The following JAM3 variants were observed in gnomAD, a reference collection of about 807,000 sequenced individuals.
JAM3 encodes junctional adhesion molecule 3, also known as junctional adhesion molecule C.
A neutral mutation model predicts 39.4 loss-of-function variants in JAM3; 31 were observed. The observed-to-expected ratio is 0.79, with a 90% CI of 0.59 to 1.06. The LOEUF (loss-of-function observed/expected upper bound fraction) is 1.06. Ranked by LOEUF, JAM3 falls within the 50% of genes least tolerant of loss-of-function variation. The pLI, the probability that JAM3 is intolerant of heterozygous loss-of-function variation, is 0.00. For missense variants in JAM3, 455 were observed against 391.4 expected (o/e 1.16, Z -1.37); for synonymous variants, 182 against 148.7 (o/e 1.22, Z -1.63).
chr11:134,110,851 A>G (rs1233321360), intron 1 of JAM3, among the ~76,000 whole-genome samples: 1 of 152,110 alleles, frequency 6.6e-6, no homozygotes, highest in African/African-American at 2.4e-5. Flanking sequence ...TATGTCAATT[A>G]TACCTTGATT....
At chr11:134,112,450 C>A (rs989786570) in intron 1 of JAM3, among the ~76,000 whole-genome samples, 17 of 152,120 alleles carry the variant, frequency 1.1e-4, no homozygotes, top group African/African-American at 3.6e-4. Flanking sequence ...GGTTTCAAGT[C>A]ACTCTATCTA....
At chr11:134,144,458 G>T (rs1943032505) in intron 4 of JAM3, 65 bp downstream of exon 4, 1 of 1,583,348 alleles carries the variant, frequency 6.3e-7, no homozygotes, top group Non-Finnish European at 8.7e-7. Flanking sequence ...TAGTGTCTTG[G>T]TTTCTTTCCT....
At position 134,123,922 on chromosome 11, in the gene JAM3, C is replaced by T. The variant is rs111448420; in HGVS notation, c.77-15929C>T. The T allele has an allele frequency of 5.2e-4, 637 of 1,213,362 alleles. 2 individuals are homozygous for T. Among genetic ancestry groups the T allele is most frequent in the Middle Eastern group, 3.0e-3 (11 of 3,654 alleles). 75.2% of individuals were successfully genotyped at this position (1,213,362 alleles called of 1,614,324 possible). On this transcript the variant is annotated intron_variant, in intron 1 of 8. Transcript: ENST00000299106. ...AGCAGCTGTTTGGAATTGAAGGCCCCCCTTCTTTTTTGTGTTATAAACTGA... is the reference window on the plus strand; with the variant it reads ...AGCAGCTGTTTGGAATTGAAGGCCCTCCTTCTTTTTTGTGTTATAAACTGA...
At chr11:134,070,939 C>T (rs1424089032) in intron 1 of JAM3, among the ~76,000 whole-genome samples, 1 of 152,134 alleles carries the variant, frequency 6.6e-6, no homozygotes, top group Non-Finnish European at 1.5e-5. Context: ...GACAAATAAT[C>T]GAGGTAGTAG....
intron 1 of JAM3, among the ~76,000 whole-genome samples, chr11:134,109,519 A>G (rs1201048393): frequency 2.0e-5 from 3 of 152,242 alleles, no homozygotes; most frequent in African/African-American, 7.2e-5. Context: ...TTACTTATCA[A>G]CTATGGCTGC....
chr11:134,149,357 G>T lies in JAM3; in HGVS notation c.*176G>T. 1.4e-6 allele frequency: 1 copy of T among 717,660 alleles called. No individual in the cohort carries two copies. Among genetic ancestry groups the T allele is most frequent in the Non-Finnish European group, 2.4e-6 (1 of 418,506 alleles). The allele number at this position is 717,660 out of a possible 1,614,324, so 44.5% of individuals were successfully genotyped here. A position where few individuals can be genotyped will look rare whatever the true frequency, so the allele number is the denominator to read the frequency against. On this transcript the variant is annotated 3_prime_UTR_variant, in exon 9 of 9. Coordinates refer to ENST00000299106, the MANE Select transcript of JAM3 (RefSeq NM_032801.5). The stretch of plus-strand genomic sequence containing the variant: ...CTTACTCTAACAAGCCACATGAATA[G>T]AAGAATTTTCCTCAAGATGGACCCG...
In JAM3 at chr11:134,113,850, A is replaced by G. The variant is rs1383131976; in HGVS notation, c.77-26001A>G. Among the ~76,000 whole-genome samples the G allele has an allele frequency of 2.0e-5, 3 of 152,162 alleles. No individual in the cohort carries two copies. The East Asian group carries it at 5.8e-4, about 29-fold the overall frequency. ...CCTGTTTCTCCACATCCTCTCCAGC[A>G]CCTGTTGTTTCCTGACTTTTTAATG... On this transcript the variant is annotated intron_variant, in intron 1 of 8. Transcript: ENST00000299106.
chr11:134,091,629 C>CA (rs5795871), intron 1 of JAM3, among the ~76,000 whole-genome samples: 58,864 of 146,954 alleles, frequency 0.4, 12,845 homozygotes, highest in African/African-American at 0.61. Context: ...AACCCCGTGT[C>CA]AAAAAAAAAA....
intron 6 of JAM3, among the ~76,000 whole-genome samples, chr11:134,146,356 G>A (rs910321459): frequency 2.6e-5 from 4 of 152,066 alleles, no homozygotes; most frequent in Non-Finnish European, 5.9e-5. Context: ...AAAATGTAAG[G>A]TGGTGTCAGG....
chr11:134,081,408 G>C (rs375726388), intron 1 of JAM3, among the ~76,000 whole-genome samples: 1 of 152,210 alleles, frequency 6.6e-6, no homozygotes, highest in Non-Finnish European at 1.5e-5. Context: ...CGGGCCCAGG[G>C]TCCCTGTGCT....
intron 1 of JAM3, among the ~76,000 whole-genome samples, chr11:134,071,278 G>A (rs1318664250): frequency 3.3e-5 from 5 of 152,150 alleles, no homozygotes; most frequent in Admixed American, 6.5e-5. Context: ...GTGGATGAGG[G>A]AACAGAAGTA....
chr11:134,115,958 C>T (rs1006289951), intron 1 of JAM3, among the ~76,000 whole-genome samples: 12 of 152,132 alleles, frequency 7.9e-5, no homozygotes, highest in African/African-American at 2.7e-4. Flanking sequence ...GTGCCCTTCT[C>T]ATCATATCAA....
chr11:134,075,582 C>T (rs1403683531), intron 1 of JAM3, among the ~76,000 whole-genome samples: 1 of 152,108 alleles, frequency 6.6e-6, no homozygotes, highest in East Asian at 1.9e-4. Context: ...GGAGCCTCAC[C>T]TGGGTAATTT....
At chr11:134,144,761 G>A in intron 4 of JAM3, 31 bp from the exon 5 acceptor site, 2 of 1,559,072 alleles carry the variant, frequency 1.3e-6, no homozygotes, top group Non-Finnish European at 1.7e-6. Flanking sequence ...CTGTCACTGA[G>A]ATCTTAAACA....
chr11:134,149,559 G>A lies in JAM3; in HGVS notation c.*378G>A, dbSNP rs1413438710. The A allele has an allele frequency of 1.7e-5, 8 of 484,630 alleles. No homozygotes were observed. Among genetic ancestry groups the A allele is most frequent in the East Asian group, 6.0e-5 (1 of 16,760 alleles). 30.0% of individuals were successfully genotyped at this position (484,630 alleles called of 1,614,324 possible). On this transcript the variant is annotated 3_prime_UTR_variant, in exon 9 of 9. Transcript: ENST00000299106. ...TCACCACTGGTCGTTCAGCAGCCACGACAGCACCATGTGAGATGGCGAGGT... is the reference window on the plus strand; with the variant it reads ...TCACCACTGGTCGTTCAGCAGCCACAACAGCACCATGTGAGATGGCGAGGT...
At chr11:134,145,246 T>C (rs1049866298) in intron 5 of JAM3, 1 of 562,020 alleles carries the variant, frequency 1.8e-6, no homozygotes, top group African/African-American at 1.9e-5. Context: ...CAAATGTTAC[T>C]AGGGCCCTGA....
chr11:134,118,021 A>T (rs187121079), intron 1 of JAM3, among the ~76,000 whole-genome samples: 2 of 152,342 alleles, frequency 1.3e-5, no homozygotes, highest in Admixed American at 1.3e-4. Context: ...TGATACCAGA[A>T]TCTGTAATCA....
At chr11:134,090,362 A>G (rs917181832) in intron 1 of JAM3, among the ~76,000 whole-genome samples, 3 of 152,126 alleles carry the variant, frequency 2.0e-5, no homozygotes, top group African/African-American at 4.8e-5. Flanking sequence ...TTGGTGTTTT[A>G]GACATGAAGT....
Position 134,149,602 on chromosome 11 carries a change from A to C in JAM3, c.*421A>C, listed in dbSNP as rs1473144686. 4 of 467,568 alleles carry C rather than the reference A, an allele frequency of 8.6e-6. No individual in the cohort carries two copies. The highest frequency in any genetic ancestry group is 6.6e-5 in the East Asian group (1 of 15,188). The allele number at this position is 467,568 out of a possible 1,614,324, so 29.0% of individuals were successfully genotyped here. A position where few individuals can be genotyped will look rare whatever the true frequency, so the allele number is the denominator to read the frequency against. ...GGCGAGGTGGCTGGACAGCACCAGC[A>C]GCGCATCCCGGCGGGAACCCAGAAA... On this transcript the variant is annotated 3_prime_UTR_variant, in exon 9 of 9. Coordinates refer to ENST00000299106, the MANE Select transcript of JAM3 (RefSeq NM_032801.5).
Sources: allele counts gnomAD v4.1 joint callset (sites outside exome capture counted in the v4.1 genomes callset), GRCh38; gene constraint gnomAD v4.1.1; transcripts MANE v1.5; gene names NCBI Gene and HGNC (gene_info 2026-07-23, HGNC 2026-07-21).